Variants in USP50 observed in about 807,000 individuals in gnomAD.
USP50 encodes the protein ubiquitin specific peptidase 50, also known as ubiquitin carboxyl-terminal hydrolase 50.
Under a neutral mutation model 39.2 loss-of-function variants are expected in USP50, and 37 were observed. That is an observed-to-expected ratio of 0.94 (90% CI 0.73 to 1.24). The LOEUF (loss-of-function observed/expected upper bound fraction) is 1.24, where lower values mean the gene tolerates loss of function less well. Ranked by LOEUF, USP50 falls within the 50% of genes most tolerant of loss-of-function variation. USP50 has a pLI of 0.00. For synonymous variants in USP50, 139 were observed against 144.5 expected (o/e 0.96, Z 0.27); for missense variants, 374 against 398.2 (o/e 0.94, Z 0.52).
Position 50,546,611 on chromosome 15 carries a change from T to C in USP50, c.-86A>G. The C allele has an allele frequency of 6.7e-7, 1 of 1,498,098 alleles. No individual in the cohort carries two copies. 92.8% of individuals were successfully genotyped at this position (1,498,098 alleles called of 1,614,324 possible). On this transcript the variant is annotated 5_prime_UTR_variant, in exon 1 of 7. Coordinates refer to ENST00000532404, the MANE Select transcript of USP50 (RefSeq NM_203494.5). Reference sequence around the variant, plus strand: ...TTCATTTCTCTGAGCCTGTTAACGCTGGCTTTTTGTTTTAAACAATTGATA... The same window carrying C: ...TTCATTTCTCTGAGCCTGTTAACGCCGGCTTTTTGTTTTAAACAATTGATA...
chr15:50,532,570 C>T (rs1378123927), intron 5 of USP50, among the ~76,000 whole-genome samples: 2 of 152,022 alleles, frequency 1.3e-5, no homozygotes, highest in African/African-American at 4.8e-5. Context: ...TTTCTCTTAC[C>T]CAGTTCATCA....
intron 5 of USP50, among the ~76,000 whole-genome samples, chr15:50,536,612 G>T (rs1341414725): frequency 6.6e-6 from 1 of 151,992 alleles, no homozygotes; most frequent in African/African-American, 2.4e-5. Flanking sequence ...CTGCATTCCA[G>T]CCTGGACAAC....
intron 1 of USP50, among the ~76,000 whole-genome samples, chr15:50,494,859 A>T (rs1031962958): frequency 6.6e-6 from 1 of 152,150 alleles, no homozygotes; most frequent in African/African-American, 2.4e-5. Flanking sequence ...TACTAAAAAT[A>T]CAAAAATTGG....
At chr15:50,543,919 T>C in intron 2 of USP50, 126 bp from the exon 3 acceptor site, 1 of 898,508 alleles carries the variant, frequency 1.1e-6, no homozygotes. Context: ...CCCCAGCACT[T>C]TGGGAGGCCA....
intron 5 of USP50, among the ~76,000 whole-genome samples, chr15:50,530,302 G>C (rs1285573129): frequency 6.7e-6 from 1 of 149,262 alleles, no homozygotes; most frequent in Non-Finnish European, 1.5e-5. Flanking sequence ...GGAACTTCTG[G>C]CCTGGCAAGG....
intron 4 of USP50, 60 bp downstream of exon 4, chr15:50,540,989 G>T (rs2053023792): frequency 1.5e-6 from 2 of 1,351,732 alleles, no homozygotes; most frequent in African/African-American, 1.4e-5. Flanking sequence ...AAACAGCCCC[G>T]AGAAAATCCG....
downstream of USP50, among the ~76,000 whole-genome samples, chr15:50,496,621 A>ATTGT (rs1336729821): frequency 6.6e-6 from 1 of 151,800 alleles, no homozygotes; most frequent in Non-Finnish European, 1.5e-5. Flanking sequence ...GGATTTCAGG[A>ATTGT]TTGTTAGTAT....
chr15:50,500,546 A>C (rs1304810023), downstream of USP50: 1 of 470,272 alleles, frequency 2.1e-6, no homozygotes, highest in African/African-American at 1.9e-5. Context: ...AGGCATAAAA[A>C]TGTTAATGAT....
At chr15:50,532,343 A>G (rs1265037109) in intron 5 of USP50, 2 of 388,776 alleles carry the variant, frequency 5.1e-6, no homozygotes, top group African/African-American at 4.2e-5. Flanking sequence ...GTCTTATCAG[A>G]GCTTAACTAA....
chr15:50,538,830 GA>G lies in USP50; in HGVS notation c.681del (p.Gln228AsnfsTer5). On this transcript the variant is annotated frameshift_variant, in exon 5 of 7. Coordinates refer to ENST00000532404, the MANE Select transcript of USP50 (RefSeq NM_203494.5). LOFTEE classifies it high-confidence loss of function. ...CSLRDCLQCF[F>X]QQDALTWNNE... is the part of the protein sequence containing the mutation. Reference sequence around the variant, plus strand: ...TTGTTCCAGGTCAGTGCGTCTTGTTGAAAAAAACATTGGAGACAGTCCTGTT... The same window carrying G: ...TTGTTCCAGGTCAGTGCGTCTTGTTGAAAAAACATTGGAGACAGTCCTGTT... 1 of 1,607,694 alleles carries G rather than the reference GA, an allele frequency of 6.2e-7. No individual in the cohort carries two copies. The highest frequency in any genetic ancestry group is 1.1e-5 in the South Asian group (1 of 89,428).
At chr15:50,497,792 T>C (rs1480637420), downstream of USP50, 2 of 152,174 alleles carry the variant, frequency 1.3e-5, no homozygotes, top group East Asian at 3.9e-4. Flanking sequence ...TCCATGTAAC[T>C]CAAGAACTTT....
chr15:50,496,089 G>GT (rs2052389478), downstream of USP50: 6 of 1,583,858 alleles, frequency 3.8e-6, no homozygotes, highest in East Asian at 1.3e-4. Flanking sequence ...TTACAGGTAA[G>GT]TTTAAGAAGT....
intron 5 of USP50, among the ~76,000 whole-genome samples, chr15:50,536,079 G>T (rs1566910610): frequency 1.3e-5 from 2 of 152,124 alleles, no homozygotes; most frequent in African/African-American, 2.4e-5. Flanking sequence ...GCAAGGCAAG[G>T]ATGTCCCCTC....
At chr15:50,518,452 C>T (rs1333091803) in intron 6 of USP50, among the ~76,000 whole-genome samples, 1 of 151,714 alleles carries the variant, frequency 6.6e-6, no homozygotes, top group Non-Finnish European at 1.5e-5. Flanking sequence ...ACCTCGTGAT[C>T]CGCCCACCTC....
At chr15:50,524,041 G>A (rs1377083473) in intron 6 of USP50, among the ~76,000 whole-genome samples, 2 of 152,200 alleles carry the variant, frequency 1.3e-5, no homozygotes, top group Non-Finnish European at 2.9e-5. Flanking sequence ...GGCAAGGACA[G>A]TAAATAAATG....
chr15:50,520,995 T>C (rs2052845530), intron 6 of USP50, among the ~76,000 whole-genome samples: 1 of 152,144 alleles, frequency 6.6e-6, no homozygotes, highest in Admixed American at 6.5e-5. Flanking sequence ...CTCAAAGAAA[T>C]GATAAAGGTT....
downstream of USP50, chr15:50,499,364 G>A (rs73405131): frequency 0.01 from 2,784 of 266,704 alleles, 80 homozygotes; most frequent in African/African-American, 0.058. Flanking sequence ...ATTATTATTC[G>A]ACTGGTCTAA....
At chr15:50,494,340 AT>A in intron 1 of USP50, 2 of 1,421,008 alleles carry the variant, frequency 1.4e-6, no homozygotes, top group Non-Finnish European at 9.5e-7. Flanking sequence ...GTAGCACTGT[AT>A]TTTTATAGCA....
At chr15:50,518,832 C>A (rs1400254927) in intron 6 of USP50, among the ~76,000 whole-genome samples, 10 of 152,122 alleles carry the variant, frequency 6.6e-5, no homozygotes, top group Admixed American at 6.6e-4. Context: ...AACTAAAAAG[C>A]TTCTGCATAG....
Sources: allele counts gnomAD v4.1 joint callset (sites outside exome capture counted in the v4.1 genomes callset), GRCh38; gene constraint gnomAD v4.1.1; transcripts MANE v1.5; gene names NCBI Gene and HGNC (gene_info 2026-07-23, HGNC 2026-07-21).